The following MARCHF7 variants were observed in gnomAD, a reference collection of about 807,000 sequenced individuals.
The protein encoded by MARCHF7 is E3 ubiquitin-protein ligase MARCHF7.
In MARCHF7, 20 loss-of-function variants were observed where a neutral mutation model predicts 76.5. The observed-to-expected ratio is 0.26, with a 90% confidence interval of 0.18 to 0.38. The LOEUF (loss-of-function observed/expected upper bound fraction) is 0.38, where lower values mean the gene tolerates loss of function less well. Ranked by LOEUF, MARCHF7 falls within the 10% of genes least tolerant of loss-of-function variation. The pLI is 1.00. For missense variants in MARCHF7, 797 were observed against 812.9 expected, an observed-to-expected ratio of 0.98 and a Z score of 0.24; for synonymous variants, 295 against 293.0, an observed-to-expected ratio of 1.01 and a Z score of -0.07.
chr2:159,762,331 C>G (rs1247638722), intron 9 of MARCHF7, among the ~76,000 whole-genome samples: 1 of 152,162 alleles, frequency 6.6e-6, no homozygotes, highest in Non-Finnish European at 1.5e-5. Flanking sequence ...TCAGTTTCTT[C>G]CTTTTAGGTT....
chr2:159,743,988 TTTTTTTTTTTTTTTTTG>T (rs746688447), intron 5 of MARCHF7, among the ~76,000 whole-genome samples: 4 of 39,470 alleles, frequency 1.0e-4, no homozygotes, highest in African/African-American at 2.9e-4. Context: ...TTTTTTTTTT[TTTTTTTTTTTTTTTTTG>T]GAGACGGAGT....
chr2:159,746,298 T>G (rs1704874773), intron 6 of MARCHF7, among the ~76,000 whole-genome samples: 1 of 152,248 alleles, frequency 6.6e-6, no homozygotes, highest in Non-Finnish European at 1.5e-5. Flanking sequence ...CTGAAATAAC[T>G]GAAAGTTGAA....
At chr2:159,745,331 TAAC>T (rs929129291) in intron 5 of MARCHF7, among the ~76,000 whole-genome samples, 3 of 152,176 alleles carry the variant, frequency 2.0e-5, no homozygotes, top group African/African-American at 7.2e-5. Context: ...GTGTTTCTGA[TAAC>T]AACTATATAA....
intron 4 of MARCHF7, among the ~76,000 whole-genome samples, chr2:159,729,672 CA>C (rs36092079): frequency 1.1e-3 from 148 of 137,494 alleles, no homozygotes; most frequent in Admixed American, 1.2e-3. Flanking sequence ...GACTCCATCT[CA>C]AAAAAAAAAA....
intron 3 of MARCHF7, among the ~76,000 whole-genome samples, chr2:159,718,181 G>A (rs1395674810): frequency 6.6e-6 from 1 of 152,118 alleles, no homozygotes; most frequent in African/African-American, 2.4e-5. Flanking sequence ...TCATACCCAA[G>A]CATACCAAGT....
At chr2:159,730,113 G>C (rs546664570) in intron 4 of MARCHF7, among the ~76,000 whole-genome samples, 2 of 152,250 alleles carry the variant, frequency 1.3e-5, no homozygotes, top group Admixed American at 1.3e-4. Context: ...ATGTTGCCCA[G>C]ACTGGTCTCA....
intron 3 of MARCHF7, among the ~76,000 whole-genome samples, chr2:159,727,403 T>G (rs979874459): frequency 6.6e-6 from 1 of 151,986 alleles, no homozygotes; most frequent in Non-Finnish European, 1.5e-5. Context: ...CTGGTTAACA[T>G]GGTGAAACCC....
chr2:159,733,010 A>G, intron 4 of MARCHF7: 1 of 721,602 alleles, frequency 1.4e-6, no homozygotes, highest in Non-Finnish European at 1.7e-6. Context: ...AACATAGTAT[A>G]GGGGTTCAGG....
chr2:159,720,646 A>G (rs75113423), intron 3 of MARCHF7, among the ~76,000 whole-genome samples: 1 of 152,174 alleles, frequency 6.6e-6, no homozygotes, highest in Non-Finnish European at 1.5e-5. Flanking sequence ...GTTATACTTG[A>G]AAAAATACTT....
At chr2:159,738,067 G>T (rs72961751) in intron 4 of MARCHF7, among the ~76,000 whole-genome samples, 48,505 of 152,118 alleles carry the variant, frequency 0.32, 9,703 homozygotes, top group Admixed American at 0.48. Flanking sequence ...GGATCGGCAG[G>T]GGGTGCATGG....
chr2:159,733,005 A>G (rs192233153), intron 4 of MARCHF7: 6 of 761,436 alleles, frequency 7.9e-6, no homozygotes, highest in Non-Finnish European at 8.0e-6. Context: ...CCTAGAACAT[A>G]GTATAGGGGT....
chr2:159,760,709 TTTTTTG>T (rs889002313), intron 9 of MARCHF7, among the ~76,000 whole-genome samples: 7 of 49,414 alleles, frequency 1.4e-4, no homozygotes, highest in Non-Finnish European at 3.0e-4. Flanking sequence ...AGTTTTTTCC[TTTTTTG>T]TTTTTGTTTT....
At chr2:159,750,322 T>C (rs1467130225) in intron 7 of MARCHF7, among the ~76,000 whole-genome samples, 3 of 152,184 alleles carry the variant, frequency 2.0e-5, no homozygotes, top group African/African-American at 7.2e-5. Flanking sequence ...GTCAGGAGAT[T>C]GAGACCATCC....
chr2:159,741,325 T>C (rs1704095644), intron 4 of MARCHF7, among the ~76,000 whole-genome samples: 1 of 152,166 alleles, frequency 6.6e-6, no homozygotes, highest in Non-Finnish European at 1.5e-5. Flanking sequence ...CACTCCAGCC[T>C]GGGCAACAGA....
chr2:159,734,958 G>A (rs995618866), intron 4 of MARCHF7, among the ~76,000 whole-genome samples: 2 of 152,062 alleles, frequency 1.3e-5, no homozygotes, highest in African/African-American at 4.8e-5. Context: ...CTCCAGCTTG[G>A]GTGACAGAAC....
Position 159,762,831 on chromosome 2 carries a change from T to G in MARCHF7, c.1894-49T>G, listed in dbSNP as rs751819974. 2.6e-6 allele frequency: 3 copies of G among 1,143,002 alleles called. No individual in the cohort carries two copies. In the Admixed American group the frequency reaches 5.9e-5, roughly 23 times the overall value. 70.8% of individuals were successfully genotyped at this position (1,143,002 alleles called of 1,614,324 possible). ...GAGTATCAATCTCAATTCTACTAAT[T>G]TTTCATTCTCTGTATTTTTCTTTTC... On this transcript the variant is annotated intron_variant, in intron 9 of 11. Coordinates refer to ENST00000409175, the MANE Select transcript of MARCHF7 (RefSeq NM_001282805.2).
chr2:159,766,757 C>CT (rs1707815846), intron 11 of MARCHF7, among the ~76,000 whole-genome samples: 1 of 152,136 alleles, frequency 6.6e-6, no homozygotes, highest in Non-Finnish European at 1.5e-5. Context: ...CTATATGAAG[C>CT]TTTTTTGACT....
At chr2:159,750,082 T>A (rs2125618320) in intron 7 of MARCHF7, among the ~76,000 whole-genome samples, 1 of 152,354 alleles carries the variant, frequency 6.6e-6, no homozygotes, top group East Asian at 1.9e-4. Flanking sequence ...TTCTTTAAAC[T>A]TTTTGTAGAG....
At chr2:159,760,156 T>G (rs1002470350) in intron 9 of MARCHF7, among the ~76,000 whole-genome samples, 6 of 152,232 alleles carry the variant, frequency 3.9e-5, no homozygotes, top group Non-Finnish European at 5.9e-5. Flanking sequence ...CTGTGTTGTT[T>G]TATGGATTTA....
Sources: gnomAD v4.1 joint callset for allele counts (sites outside exome capture counted in the v4.1 genomes callset) on GRCh38, gnomAD v4.1.1 for gene constraint, MANE v1.5 for transcripts, NCBI Gene and HGNC (gene_info 2026-07-23, HGNC 2026-07-21) for gene names.